The following TNFRSF14 variants were observed in gnomAD, a reference collection of about 807,000 sequenced individuals.
TNFRSF14 encodes the protein tumor necrosis factor receptor superfamily member 14.
Under a neutral mutation model 34.1 loss-of-function variants are expected in TNFRSF14, and 18 were observed. The ratio of observed to expected loss-of-function variants is 0.53; its 90% CI spans 0.36 to 0.78. The LOEUF is 0.78. Among genes scored for constraint, TNFRSF14 ranks in the 30% least tolerant of loss-of-function variants. TNFRSF14 has a pLI of 0.00. For missense variants in TNFRSF14, 352 were observed against 379.5 expected, an observed-to-expected ratio of 0.93 and a Z score of 0.60; for synonymous variants, 157 against 153.2, an observed-to-expected ratio of 1.02 and a Z score of -0.18.
At position 2,556,465 on chromosome 1, in the gene TNFRSF14, GC is replaced by G; in HGVS notation, c.-196del. ...GCGCCGCTCCACCCAGCAGGCCTGAGCCCCTCTCTGCTGCCAGACACCCCCT... is the reference window on the plus strand; with the variant it reads ...GCGCCGCTCCACCCAGCAGGCCTGAGCCCTCTCTGCTGCCAGACACCCCCT... On this transcript the variant is annotated 5_prime_UTR_variant, in exon 1 of 8. Coordinates refer to ENST00000355716, the MANE Select transcript of TNFRSF14 (RefSeq NM_003820.4). 2.8e-6 allele frequency: 2 copies of G among 707,578 alleles called. No homozygotes were observed. The highest frequency in any genetic ancestry group is 2.3e-4 in the Middle Eastern group (1 of 4,376). The allele number at this position is 707,578 out of a possible 1,614,324, so 43.8% of individuals were successfully genotyped here. A position where few individuals can be genotyped will look rare whatever the true frequency, so the allele number is the denominator to read the frequency against.
chr1:2,563,315 A>T lies in TNFRSF14; in HGVS notation c.*42A>T. Reference sequence around the variant, plus strand: ...CCCGACGCCAGAGATACCTGGAGCGACGGCTGCTGAAAGAGGCTGTCCACC... The same window carrying T: ...CCCGACGCCAGAGATACCTGGAGCGTCGGCTGCTGAAAGAGGCTGTCCACC... On this transcript the variant is annotated 3_prime_UTR_variant, in exon 8 of 8. Coordinates refer to ENST00000355716, the MANE Select transcript of TNFRSF14 (RefSeq NM_003820.4). 6.2e-7 allele frequency: 1 copy of T among 1,604,524 alleles called. No individual in the cohort carries two copies. Among genetic ancestry groups the T allele is most frequent in the Non-Finnish European group, 8.5e-7 (1 of 1,173,402 alleles).
At chr1:2,558,022 C>A (rs548027018) in intron 2 of TNFRSF14, among the ~76,000 whole-genome samples, 188 bp downstream of exon 2, 2 of 152,334 alleles carry the variant, frequency 1.3e-5, no homozygotes, top group Admixed American at 1.3e-4. Flanking sequence ...CCCTGGGGGA[C>A]CCTCACAGTC....
intron 3 of TNFRSF14, 60 bp downstream of exon 3, chr1:2,558,528 C>T: frequency 6.3e-7 from 1 of 1,598,556 alleles, no homozygotes; most frequent in Non-Finnish European, 8.5e-7. Context: ...CCCCCGCACC[C>T]TGCACCCTCT....
upstream of TNFRSF14, chr1:2,556,029 A>G: frequency 4.5e-6 from 1 of 224,368 alleles, no homozygotes; most frequent in Non-Finnish European, 9.2e-6. Flanking sequence ...CTCCCAGGGG[A>G]CGGGTAGGGG....
chr1:2,562,295 C>T (rs1644321460), intron 6 of TNFRSF14: 3 of 211,464 alleles, frequency 1.4e-5, no homozygotes, highest in South Asian at 1.7e-4. Flanking sequence ...CTCCTGGGCA[C>T]TGACCCCGCT....
rs1024004859 is a variant in TNFRSF14 at position 2,563,453 on chromosome 1, G to A, written c.*180G>A. On this transcript the variant is annotated 3_prime_UTR_variant, in exon 8 of 8. Transcript: ENST00000355716. The stretch of plus-strand genomic sequence containing the variant: ...GCTGGGGTAGAGCTGGGGACGCCAC[G>A]TGCCATTCCCATGGGCCAGTGAGGG... 17 of 977,064 alleles carry A rather than the reference G, an allele frequency of 1.7e-5. No homozygotes were observed. Among genetic ancestry groups the A allele is most frequent in the African/African-American group, 8.2e-5 (5 of 60,898 alleles). 60.5% of individuals were successfully genotyped at this position (977,064 alleles called of 1,614,324 possible).
chr1:2,558,819 T>A (rs1644259534), intron 3 of TNFRSF14: 1 of 1,327,290 alleles, frequency 7.5e-7, no homozygotes, highest in Admixed American at 2.7e-5. Flanking sequence ...GTGCTGGGAC[T>A]CTCCGGCCGG....
chr1:2,558,325 C>G lies in TNFRSF14; in HGVS notation c.179-18C>G. The G allele has an allele frequency of 6.3e-7, 1 of 1,592,226 alleles. No individual in the cohort carries two copies. Among genetic ancestry groups the G allele is most frequent in the South Asian group, 1.1e-5 (1 of 89,098 alleles). On this transcript the variant is annotated intron_variant, in intron 2 of 7. Transcript: ENST00000355716. ...GGCCTCCCGCAGACTTGCGAAGTTC[C>G]CACTCTCTGGGCGGCAGGTTATCGT...
rs1644296174 is a variant in TNFRSF14, at chr1:2,560,706, C to G, written c.543C>G (p.His181Gln). Reference sequence around the variant, plus strand: ...ATGGGACCCTGGAGGAATGTCAGCACCAGACCAAGTAAGTGAACCCGGGGG... The same window carrying G: ...ATGGGACCCTGGAGGAATGTCAGCAGCAGACCAAGTAAGTGAACCCGGGGG... ...SPNGTLEECQ[H>Q]QTKCSWLVTK... is the part of the protein sequence containing the mutation. The change falls in exon 5 of 8, where the codon CAC (histidine) becomes CAG (glutamine). Residue 181 changes from histidine (H) to glutamine (Q), a missense_variant. His to Gln is a conservative substitution (Grantham distance 24). Transcript: ENST00000355716. 1 of 1,613,328 alleles carries G rather than the reference C, an allele frequency of 6.2e-7. No homozygotes were observed.
rs143969082 is a variant in TNFRSF14, at chr1:2,558,407, C to T, written c.243C>T (p.Gly81=). 375 of 1,613,446 alleles carry T rather than the reference C, an allele frequency of 2.3e-4. 2 individuals are homozygous for T. In the African/African-American group the frequency reaches 3.5e-3, roughly 15 times the overall value. Residue 81 remains glycine (G), a synonymous_variant, in exon 3 of 8, where the codon GGC becomes GGT. Coordinates refer to ENST00000355716, the MANE Select transcript of TNFRSF14 (RefSeq NM_003820.4). ...CAGTGTGTGAACCCTGCCCTCCAGGCACCTACATTGCCCACCTCAATGGCC... is the reference window on the plus strand; with the variant it reads ...CAGTGTGTGAACCCTGCCCTCCAGGTACCTACATTGCCCACCTCAATGGCC... ...TGTVCEPCPP[G]TYIAHLNGLS...
At chr1:2,556,982 C>A (rs187950741) in intron 1 of TNFRSF14, 1 of 460,446 alleles carries the variant, frequency 2.2e-6, no homozygotes, top group African/African-American at 2.0e-5. Flanking sequence ...CTCACCACTC[C>A]GTCCACGGGC....
At position 2,561,796 on chromosome 1, in the gene TNFRSF14, G is replaced by C; in HGVS notation, c.675G>C (p.Val225=). 6.2e-7 allele frequency: 1 copy of C among 1,613,826 alleles called. No homozygotes were observed. The highest frequency in any genetic ancestry group is 8.5e-7 in the Non-Finnish European group (1 of 1,179,960). ...CCACAGTTGGCCTAATCATATGTGT[G>C]AAAAGAAGAAAGCCAAGGGGTGAGC... ...VCSTVGLIIC[V]KRRKPRGDVV... Residue 225 remains valine (V), a synonymous_variant, in exon 6 of 8, where the codon GTG becomes GTC. Transcript: ENST00000355716. The surrounding 1 kb of genome is among the most constrained non-coding windows in gnomAD (Gnocchi z 6.0).
At chr1:2,556,855 C>A in intron 1 of TNFRSF14, 122 bp downstream of exon 1, 3 of 1,029,920 alleles carry the variant, frequency 2.9e-6, no homozygotes, top group Non-Finnish European at 4.2e-6. Context: ...CCAGCCCGTC[C>A]CCTGCTGCCT....
In TNFRSF14 at chr1:2,559,584, G is replaced by A. The variant is rs1258098965; in HGVS notation, c.305-239G>A. On this transcript the variant is annotated intron_variant, in intron 3 of 7. Coordinates refer to ENST00000355716, the MANE Select transcript of TNFRSF14 (RefSeq NM_003820.4). ...AAGGCTGGTTTCTCCCATCAACGAAGCCCTCCCAGGACCTTCCTGCAAGCC... is the reference window on the plus strand; with the variant it reads ...AAGGCTGGTTTCTCCCATCAACGAAACCCTCCCAGGACCTTCCTGCAAGCC... 4 of 1,530,724 alleles carry A rather than the reference G, an allele frequency of 2.6e-6. No individual in the cohort carries two copies. The Admixed American group carries it at 7.9e-5, about 30-fold the overall frequency. 94.8% of individuals were successfully genotyped at this position (1,530,724 alleles called of 1,614,324 possible).
rs587777980 is a variant in TNFRSF14 at position 2,559,092 on chromosome 1, C to T, written c.304+624C>T. 22 of 1,368,248 alleles carry T rather than the reference C, an allele frequency of 1.6e-5. No individual in the cohort carries two copies. The highest frequency in any genetic ancestry group is 5.7e-5 in the African/African-American group (4 of 69,710). The allele number at this position is 1,368,248 out of a possible 1,614,324, so 84.8% of individuals were successfully genotyped here. On this transcript the variant is annotated intron_variant, in intron 3 of 7. Transcript: ENST00000355716. Reference sequence around the variant, plus strand: ...CTCCCTGCGGCCAGGCAGGACTGCACCTGCGGGACAGGGCTGACGGCACAC... The same window carrying T: ...CTCCCTGCGGCCAGGCAGGACTGCATCTGCGGGACAGGGCTGACGGCACAC...
At chr1:2,558,886 G>A (rs1320036229) in intron 3 of TNFRSF14, 5 of 1,339,214 alleles carry the variant, frequency 3.7e-6, no homozygotes, top group East Asian at 3.5e-5. Flanking sequence ...TCCAGATATT[G>A]GTTCCCCCTG....
chr1:2,558,237 T>C, intron 2 of TNFRSF14, 106 bp from the exon 3 acceptor site: 1 of 1,483,720 alleles, frequency 6.7e-7, no homozygotes, highest in Non-Finnish European at 8.9e-7. Flanking sequence ...TTGAGTCCCC[T>C]TAGCTGGTGT....
chr1:2,563,050 C>T, intron 7 of TNFRSF14, 98 bp from the exon 8 acceptor site: 1 of 1,587,872 alleles, frequency 6.3e-7, no homozygotes, highest in South Asian at 1.1e-5. Context: ...CAGGAAAGAA[C>T]CCACCCCCTC....
chr1:2,558,919 C>T lies in TNFRSF14; in HGVS notation c.304+451C>T, dbSNP rs1005881845. The T allele has an allele frequency of 2.0e-5, 27 of 1,363,298 alleles. No individual in the cohort carries two copies. In the African/African-American group the frequency reaches 2.3e-4, roughly 12 times the overall value. 84.5% of individuals were successfully genotyped at this position (1,363,298 alleles called of 1,614,324 possible). ...CTGTGACCTCAGGGGAAGAGGTCAC[C>T]TGGAGGCTGGTGCCCACCTGAGTCC... On this transcript the variant is annotated intron_variant, in intron 3 of 7. Coordinates refer to ENST00000355716, the MANE Select transcript of TNFRSF14 (RefSeq NM_003820.4).
Sources: gnomAD v4.1 joint callset for allele counts (sites outside exome capture counted in the v4.1 genomes callset) on GRCh38, gnomAD v4.1.1 for gene constraint, Gnocchi (gnomAD v3.1) non-coding constraint, MANE v1.5 for transcripts, NCBI Gene and HGNC (gene_info 2026-07-23, HGNC 2026-07-21) for gene names.